The following GPATCH8 variants were observed in gnomAD, a reference collection of about 807,000 sequenced individuals.
GPATCH8 encodes the protein G-patch domain containing 8.
A neutral mutation model predicts 118.3 loss-of-function variants in GPATCH8; 18 were observed. The ratio of observed to expected loss-of-function variants is 0.15; its 90% CI spans 0.11 to 0.23. GPATCH8 has a LOEUF of 0.23. Ranked by LOEUF, GPATCH8 falls within the 10% of genes least tolerant of loss-of-function variation. GPATCH8 has a pLI of 1.00. For synonymous variants in GPATCH8, 659 were observed against 684.7 expected, an observed-to-expected ratio of 0.96 and a Z score of 0.59; for missense variants, 1,631 against 1,873.8, an observed-to-expected ratio of 0.87 and a Z score of 2.39.
intron 1 of GPATCH8, among the ~76,000 whole-genome samples, chr17:44,483,502 G>A (rs1235906611): frequency 2.0e-5 from 3 of 151,394 alleles, no homozygotes; most frequent in African/African-American, 7.3e-5. Flanking sequence ...GCCCACCTCG[G>A]CCTCCCAAAG....
intron 6 of GPATCH8, among the ~76,000 whole-genome samples, 200 bp from the exon 7 acceptor site, chr17:44,406,251 T>A (rs1366368951): frequency 6.6e-6 from 1 of 152,176 alleles, no homozygotes; most frequent in Admixed American, 6.5e-5. Context: ...GCATTTCTAA[T>A]TAGGACAGCA....
intron 3 of GPATCH8, among the ~76,000 whole-genome samples, chr17:44,464,255 G>A (rs1250545282): frequency 6.6e-6 from 1 of 152,018 alleles, no homozygotes; most frequent in Non-Finnish European, 1.5e-5. Flanking sequence ...TGAAAGTTTC[G>A]ATGACACAGC....
chr17:44,480,516 G>A (rs951000887), intron 1 of GPATCH8, among the ~76,000 whole-genome samples: 2 of 152,044 alleles, frequency 1.3e-5, no homozygotes, highest in African/African-American at 2.4e-5. Flanking sequence ...GGGAGTACAA[G>A]ACCAGCCTGA....
intron 3 of GPATCH8, among the ~76,000 whole-genome samples, chr17:44,453,391 T>C (rs2051189631): frequency 6.6e-6 from 1 of 152,152 alleles, no homozygotes; most frequent in Non-Finnish European, 1.5e-5. Flanking sequence ...AGGGGCTTAT[T>C]ATAAGATTTA....
At chr17:44,414,111 ATATATG>A (rs2049568690) in intron 6 of GPATCH8, among the ~76,000 whole-genome samples, 1 of 82,826 alleles carries the variant, frequency 1.2e-5, no homozygotes, top group African/African-American at 4.6e-5. Flanking sequence ...GTGTGTATAT[ATATATG>A]TATATATATG....
chr17:44,415,917 C>T (rs1363402616), intron 6 of GPATCH8, among the ~76,000 whole-genome samples: 2 of 152,216 alleles, frequency 1.3e-5, no homozygotes, highest in Admixed American at 1.3e-4. Context: ...TTTACCCTGG[C>T]AACATTAGGT....
Position 44,400,057 on chromosome 17 carries a change from G to T in GPATCH8, c.2020C>A (p.Arg674=), listed in dbSNP as rs148452781. ...SKKERSGKSH[R]HKKKKKHKKS... is the part of the protein sequence containing the mutation. Reference sequence around the variant, plus strand: ...TTGTGCTTCTTTTTCTTTTTGTGCCGGTGGGACTTCCCAGATCGTTCTTTC... The same window carrying T: ...TTGTGCTTCTTTTTCTTTTTGTGCCTGTGGGACTTCCCAGATCGTTCTTTC... The change falls in exon 8 of 8, where the codon CGG becomes AGG. Residue 674 remains arginine (R), a synonymous_variant. Transcript: ENST00000591680. 1.2e-6 allele frequency: 2 copies of T among 1,613,332 alleles called. No homozygotes were observed. The highest frequency in any genetic ancestry group is 1.7e-6 in the Non-Finnish European group (2 of 1,179,900).
chr17:44,431,913 G>A (rs1361564850), intron 5 of GPATCH8, among the ~76,000 whole-genome samples: 1 of 152,040 alleles, frequency 6.6e-6, no homozygotes, highest in East Asian at 1.9e-4. Flanking sequence ...ACGACAGAGT[G>A]AGATCCCATC....
intron 3 of GPATCH8, among the ~76,000 whole-genome samples, chr17:44,447,617 AC>A (rs1322358342): frequency 7.7e-6 from 1 of 130,210 alleles, no homozygotes; most frequent in Non-Finnish European, 1.7e-5. Flanking sequence ...TATTATCACC[AC>A]CTTTTTTTTT....
At chr17:44,490,934 C>T (rs1247430160) in intron 1 of GPATCH8, among the ~76,000 whole-genome samples, 1 of 152,166 alleles carries the variant, frequency 6.6e-6, no homozygotes, top group Non-Finnish European at 1.5e-5. Flanking sequence ...ACAGGAATTG[C>T]CTTAAATTTA....
rs761918180 is a variant in GPATCH8 at position 44,400,559 on chromosome 17, T to C, written c.1518A>G (p.Gln506=). The C allele has an allele frequency of 5.6e-6, 9 of 1,613,992 alleles. No individual in the cohort carries two copies. The highest frequency in any genetic ancestry group is 5.0e-5 in the Admixed American group (3 of 60,008). The change falls in exon 8 of 8, where the codon CAA becomes CAG. Residue 506 remains glutamine (Q), a synonymous_variant. Coordinates refer to ENST00000591680, the MANE Select transcript of GPATCH8 (RefSeq NM_001002909.4). ...CTTTAGAAGAGTTGGACTCACACATTTGGGTCTCTGAAACCTTCTGACTAT... is the reference window on the plus strand; with the variant it reads ...CTTTAGAAGAGTTGGACTCACACATCTGGGTCTCTGAAACCTTCTGACTAT... ...ESHSQKVSET[Q]MCESNSSKET... is the part of the protein sequence containing the mutation.
At chr17:44,409,618 C>T (rs888988038) in intron 6 of GPATCH8, among the ~76,000 whole-genome samples, 2 of 152,204 alleles carry the variant, frequency 1.3e-5, no homozygotes, top group African/African-American at 4.8e-5. Flanking sequence ...AGTCAGAAAG[C>T]TTGGGTTCAA....
At chr17:44,435,524 C>T (rs2144034647) in intron 4 of GPATCH8, among the ~76,000 whole-genome samples, 1 of 147,488 alleles carries the variant, frequency 6.8e-6, no homozygotes, top group African/African-American at 2.5e-5. Context: ...AGTGATTCTC[C>T]TGCCTCAGCC....
At chr17:44,484,565 A>G (rs1968623967) in intron 1 of GPATCH8, among the ~76,000 whole-genome samples, 1 of 152,036 alleles carries the variant, frequency 6.6e-6, no homozygotes, top group South Asian at 2.1e-4. Context: ...ATGCTTTGGG[A>G]GGCCAACTCT....
intron 1 of GPATCH8, among the ~76,000 whole-genome samples, chr17:44,488,223 CTTTTTTTTTTT>C (rs927607960): frequency 3.9e-5 from 4 of 101,364 alleles, no homozygotes; most frequent in African/African-American, 7.5e-5. Flanking sequence ...GTGCCTGACC[CTTTTTTTTTTT>C]TTTTTTTTTT....
At chr17:44,403,071 G>C (rs1030242323) in intron 7 of GPATCH8, among the ~76,000 whole-genome samples, 21 of 151,816 alleles carry the variant, frequency 1.4e-4, no homozygotes, top group African/African-American at 4.6e-4. Flanking sequence ...ACCTCACCAT[G>C]CTGGCTAATT....
chr17:44,464,461 T>C lies in GPATCH8; in HGVS notation c.193+11A>G, dbSNP rs2051682616. 2 of 1,477,954 alleles carry C rather than the reference T, an allele frequency of 1.4e-6. No homozygotes were observed. The highest frequency in any genetic ancestry group is 1.9e-6 in the Non-Finnish European group (2 of 1,055,770). 91.6% of individuals were successfully genotyped at this position (1,477,954 alleles called of 1,614,324 possible). ...TTTCTTCCTTTTTCTCTGGTAAATG[T>C]AAACACTTACCCTGAAGAGATTTTC... is the stretch of plus-strand genomic sequence containing the variant. On this transcript the variant is annotated intron_variant, in intron 3 of 7. Transcript: ENST00000591680.
intron 3 of GPATCH8, chr17:44,445,733 T>TGAC (rs2050855842): frequency 6.6e-6 from 1 of 152,250 alleles, no homozygotes; most frequent in Non-Finnish European, 1.5e-5. Flanking sequence ...CTCGAACTTC[T>TGAC]GACTTCAGGT....
intron 1 of GPATCH8, among the ~76,000 whole-genome samples, chr17:44,497,591 A>C (rs1969753622): frequency 6.6e-6 from 1 of 152,086 alleles, no homozygotes; most frequent in African/African-American, 2.4e-5. Context: ...TTGTCTCAAA[A>C]ACGAATTTTT....
Sources: allele counts gnomAD v4.1 joint callset (sites outside exome capture counted in the v4.1 genomes callset), GRCh38; gene constraint gnomAD v4.1.1; transcripts MANE v1.5; gene names NCBI Gene and HGNC (gene_info 2026-07-23, HGNC 2026-07-21).